The following ABL1 variants were observed in gnomAD, a reference collection of about 807,000 sequenced individuals.
ABL1 encodes the protein tyrosine-protein kinase ABL1.
In ABL1, 11 loss-of-function variants were observed where a neutral mutation model predicts 94.7. The observed-to-expected ratio is 0.12, with a 90% CI of 0.07 to 0.19. ABL1 has a LOEUF of 0.19. ABL1 is among the 10% of genes least tolerant of loss of function. The pLI, the probability that ABL1 is intolerant of heterozygous loss-of-function variation, is 1.00. For synonymous variants in ABL1, 656 were observed against 622.4 expected, an observed-to-expected ratio of 1.05 and a Z score of -0.80; for missense variants, 1,082 against 1,489.4, an observed-to-expected ratio of 0.73 and a Z score of 4.50.
intron 1 of ABL1, among the ~76,000 whole-genome samples, chr9:130,719,037 G>A (rs1316594760): frequency 6.6e-6 from 1 of 151,986 alleles, no homozygotes; most frequent in Non-Finnish European, 1.5e-5. Flanking sequence ...CCCCATTTTT[G>A]TAAAACAAAA....
chr9:130,850,892 C>T (rs1390793590), intron 1 of ABL1, among the ~76,000 whole-genome samples: 4 of 151,972 alleles, frequency 2.6e-5, no homozygotes, highest in South Asian at 2.1e-4. Context: ...GTGGGGATCA[C>T]GTTGTTGTTT....
At chr9:130,757,811 G>T (rs1832059963) in intron 1 of ABL1, among the ~76,000 whole-genome samples, 1 of 152,028 alleles carries the variant, frequency 6.6e-6, no homozygotes, top group African/African-American at 2.4e-5. Flanking sequence ...AAAGTGCTGG[G>T]ATTACAGGCA....
At chr9:130,765,948 A>G (rs1398488210) in intron 1 of ABL1, among the ~76,000 whole-genome samples, 2 of 152,244 alleles carry the variant, frequency 1.3e-5, no homozygotes. Context: ...AGTCACAAGG[A>G]CAGGGTGTTG....
chr9:130,720,717 G>C, intron 1 of ABL1, among the ~76,000 whole-genome samples: 1 of 152,132 alleles, frequency 6.6e-6, no homozygotes, highest in East Asian at 1.9e-4. Flanking sequence ...GAGGACAAGG[G>C]AGCAGGGATT....
At chr9:130,827,002 C>G (rs1214814667) in intron 1 of ABL1, among the ~76,000 whole-genome samples, 1 of 152,108 alleles carries the variant, frequency 6.6e-6, no homozygotes, top group Admixed American at 6.5e-5. Context: ...GGCGTGAACC[C>G]TGAAGGCGGA....
intron 1 of ABL1, among the ~76,000 whole-genome samples, chr9:130,755,436 G>A (rs991171157): frequency 6.6e-6 from 1 of 152,142 alleles, no homozygotes; most frequent in Non-Finnish European, 1.5e-5. Context: ...TGCTTCAGTA[G>A]TAGCATTGAC....
intron 1 of ABL1, among the ~76,000 whole-genome samples, chr9:130,755,461 G>A (rs1164409161): frequency 6.6e-6 from 1 of 152,174 alleles, no homozygotes; most frequent in Admixed American, 6.6e-5. Flanking sequence ...CAGTCTCTGT[G>A]TACTCTGTCC....
chr9:130,841,936 T>TAG (rs35461924), intron 1 of ABL1, among the ~76,000 whole-genome samples: 23 of 137,344 alleles, frequency 1.7e-4, no homozygotes, highest in African/African-American at 2.9e-4. Context: ...GGGAAGGAGA[T>TAG]AGAGAGAGAG....
chr9:130,847,299 C>T (rs942973265), intron 1 of ABL1, among the ~76,000 whole-genome samples: 11 of 151,790 alleles, frequency 7.2e-5, no homozygotes, highest in Non-Finnish European at 1.5e-4. Flanking sequence ...ATAGCAGATG[C>T]TAAAATTTAT....
At chr9:130,788,965 G>T (rs1191967789) in intron 1 of ABL1, among the ~76,000 whole-genome samples, 1 of 152,094 alleles carries the variant, frequency 6.6e-6, no homozygotes, top group Non-Finnish European at 1.5e-5. Context: ...TTTTCCTCTT[G>T]CATCTATTTG....
At chr9:130,848,517 C>CAAA (rs34492912) in intron 1 of ABL1, among the ~76,000 whole-genome samples, 3 of 86,546 alleles carry the variant, frequency 3.5e-5, no homozygotes, top group Non-Finnish European at 2.6e-5. Flanking sequence ...GACTCCAACT[C>CAAA]AAAAAAAAAA....
chr9:130,768,681 G>A (rs182288060), intron 1 of ABL1, among the ~76,000 whole-genome samples: 5 of 152,224 alleles, frequency 3.3e-5, no homozygotes, highest in Admixed American at 2.0e-4. Context: ...TTGAAGGAAC[G>A]AATTAGTGCA....
At chr9:130,735,951 A>AT (rs1831732197) in intron 1 of ABL1, among the ~76,000 whole-genome samples, 1 of 82,784 alleles carries the variant, frequency 1.2e-5, no homozygotes, top group African/African-American at 9.9e-5. Context: ...ATATATATAT[A>AT]TATATATATA....
chr9:130,867,258 T>C (rs1445616440), intron 4 of ABL1, among the ~76,000 whole-genome samples: 1 of 152,234 alleles, frequency 6.6e-6, no homozygotes, highest in Non-Finnish European at 1.5e-5. Flanking sequence ...CAGCATCCCA[T>C]AGGCACGGAT....
chr9:130,746,158 G>A (rs533519335), intron 1 of ABL1, among the ~76,000 whole-genome samples: 1 of 151,410 alleles, frequency 6.6e-6, no homozygotes, highest in East Asian at 1.9e-4. Flanking sequence ...CCTTTCCAAG[G>A]TCTTCTGGTC....
rs1295381637 is a variant in ABL1, at chr9:130,854,988, C to G, written c.441C>G (p.Gly147=). The G allele has an allele frequency of 6.2e-7, 1 of 1,614,218 alleles. No individual in the cohort carries two copies. The highest frequency in any genetic ancestry group is 8.5e-7 in the Non-Finnish European group (1 of 1,180,046). Residue 147 remains glycine, a synonymous_variant, in exon 3 of 11, where the codon GGC becomes GGG. Coordinates refer to ENST00000318560, the MANE Select transcript of ABL1 (RefSeq NM_005157.6). ...AEYLLSSGIN[G]SFLVRESESS... is the part of the protein sequence containing the mutation. Reference sequence around the variant, plus strand: ...ATCTGCTGAGCAGCGGGATCAATGGCAGCTTCTTGGTGCGTGAGAGTGAGA... The same window carrying G: ...ATCTGCTGAGCAGCGGGATCAATGGGAGCTTCTTGGTGCGTGAGAGTGAGA...
chr9:130,714,242 G>A lies in ABL1; in HGVS notation c.-78G>A, dbSNP rs1831407140. On this transcript the variant is annotated 5_prime_UTR_variant, in exon 1 of 11. Coordinates refer to the ABL1 transcript ENST00000372348. ...AGCGAATGTGAAATCCCACGTATAT[G>A]CCATTTCCCTCTACGCTCGCTGACC... 3 of 1,410,214 alleles carry A rather than the reference G, an allele frequency of 2.1e-6. No homozygotes were observed. The South Asian group carries it at 4.6e-5, about 22-fold the overall frequency. The allele number at this position is 1,410,214 out of a possible 1,614,324, so 87.4% of individuals were successfully genotyped here.
intron 1 of ABL1, among the ~76,000 whole-genome samples, chr9:130,773,273 C>T (rs938716906): frequency 1.3e-5 from 2 of 151,964 alleles, no homozygotes; most frequent in Non-Finnish European, 2.9e-5. Flanking sequence ...GAGCTGAGAT[C>T]GTGCCATTGC....
intron 1 of ABL1, among the ~76,000 whole-genome samples, chr9:130,827,336 C>G (rs1830439156): frequency 6.6e-6 from 1 of 152,126 alleles, no homozygotes. Context: ...CCTACAGATA[C>G]CAACATTTAG....
Sources: gnomAD v4.1 joint callset for allele counts (sites outside exome capture counted in the v4.1 genomes callset) on GRCh38, gnomAD v4.1.1 for gene constraint, MANE v1.5 for transcripts, NCBI Gene and HGNC (gene_info 2026-07-23, HGNC 2026-07-21) for gene names.